The following PIP5K1B variants were observed in gnomAD, a reference collection of about 807,000 sequenced individuals.
The protein encoded by PIP5K1B is phosphatidylinositol 4-phosphate 5-kinase type-1 beta.
A neutral mutation model predicts 67.0 loss-of-function variants in PIP5K1B; 42 were observed. The ratio of observed to expected loss-of-function variants is 0.63; its 90% CI spans 0.49 to 0.81. The LOEUF (loss-of-function observed/expected upper bound fraction) is 0.81. Among genes scored for constraint, PIP5K1B ranks in the 30% least tolerant of loss-of-function variants. The probability of loss-of-function intolerance (pLI) is 0.00; values close to 1 mark genes in which losing one functional copy is unlikely to be tolerated. For synonymous variants in PIP5K1B, 214 were observed against 231.4 expected (o/e 0.92, Z 0.68); for missense variants, 459 against 646.3 (o/e 0.71, Z 3.14).
chr9:68,837,203 A>G (rs1249668992), intron 4 of PIP5K1B, among the ~76,000 whole-genome samples: 1 of 152,206 alleles, frequency 6.6e-6, no homozygotes, highest in Non-Finnish European at 1.5e-5. Context: ...GGGATACAGC[A>G]GTGAACACAA....
At chr9:68,856,542 C>G (rs1050287720) in intron 4 of PIP5K1B, among the ~76,000 whole-genome samples, 2 of 152,174 alleles carry the variant, frequency 1.3e-5, no homozygotes, top group African/African-American at 4.8e-5. Context: ...AATTATTTCA[C>G]GCTGTTCTTT....
chr9:68,804,842 AGTT>A (rs1832784389), intron 2 of PIP5K1B, among the ~76,000 whole-genome samples: 1 of 152,106 alleles, frequency 6.6e-6, no homozygotes, highest in African/African-American at 2.4e-5. Flanking sequence ...TGTTACTTGG[AGTT>A]GTTGGAAGAA....
intron 2 of PIP5K1B, among the ~76,000 whole-genome samples, chr9:68,775,995 T>C (rs7853795): frequency 0.41 from 62,835 of 151,966 alleles, 13,174 homozygotes; most frequent in African/African-American, 0.48. Context: ...CTTGGTTATA[T>C]TGTCAGGAGC....
chr9:68,912,050 C>A lies in PIP5K1B; in HGVS notation c.772-5498C>A, dbSNP rs75536626. Among the ~76,000 whole-genome samples, 1,010 of 152,220 alleles carry A rather than the reference C, an allele frequency of 6.6e-3. 8 individuals carry two copies. Among genetic ancestry groups the A allele is most frequent in the South Asian group, 0.031 (148 of 4,816 alleles). On this transcript the variant is annotated intron_variant, in intron 8 of 15. Coordinates refer to ENST00000265382, the MANE Select transcript of PIP5K1B (RefSeq NM_003558.4). ...AAGAAGATCTCAAATCTATCCACTTCTCCCTCGAGCTCCCCAGCTGCCCCT... is the reference window on the plus strand; with the variant it reads ...AAGAAGATCTCAAATCTATCCACTTATCCCTCGAGCTCCCCAGCTGCCCCT...
At position 68,985,698 on chromosome 9, in the gene PIP5K1B, T is replaced by A. The variant is rs189420870; in HGVS notation, c.1503-5442T>A. Reference sequence around the variant, plus strand: ...AGCATGTGCCCTGGGACATTGCAGATGGCTCCCCAGGCCTCCACGGGCCTG... The same window carrying A: ...AGCATGTGCCCTGGGACATTGCAGAAGGCTCCCCAGGCCTCCACGGGCCTG... On this transcript the variant is annotated intron_variant, in intron 14 of 15. Coordinates refer to ENST00000265382, the MANE Select transcript of PIP5K1B (RefSeq NM_003558.4). Among the ~76,000 whole-genome samples the A allele has an allele frequency of 1.7e-4, 26 of 152,344 alleles. No homozygotes were observed. In the East Asian group the frequency reaches 4.8e-3, roughly 28 times the overall value.
chr9:68,734,440 A>G (rs538245101), intron 1 of PIP5K1B, among the ~76,000 whole-genome samples: 56 of 152,322 alleles, frequency 3.7e-4, no homozygotes, highest in African/African-American at 1.3e-3. Context: ...ACTGGGAGGG[A>G]AGGACCATAA....
chr9:68,867,185 AT>A (rs35757034), intron 5 of PIP5K1B, among the ~76,000 whole-genome samples: 66,603 of 151,286 alleles, frequency 0.44, 15,084 homozygotes, highest in South Asian at 0.55. Context: ...CATTTGATGC[AT>A]TTTTTTTTTC....
At chr9:68,947,919 A>G (rs1190856966) in intron 14 of PIP5K1B, among the ~76,000 whole-genome samples, 1 of 152,136 alleles carries the variant, frequency 6.6e-6, no homozygotes, top group East Asian at 1.9e-4. Flanking sequence ...AGCTTGAGGA[A>G]CCCAAGTGAG....
chr9:68,928,417 G>A (rs1196853231), intron 12 of PIP5K1B, among the ~76,000 whole-genome samples: 5 of 152,090 alleles, frequency 3.3e-5, no homozygotes, highest in Non-Finnish European at 7.4e-5. Flanking sequence ...CATAAATGTG[G>A]GATTCTTTTT....
intron 4 of PIP5K1B, among the ~76,000 whole-genome samples, chr9:68,835,415 T>C (rs936584480): frequency 6.6e-6 from 1 of 152,198 alleles, no homozygotes; most frequent in Non-Finnish European, 1.5e-5. Flanking sequence ...AGAAATATTA[T>C]AGTATGGCTT....
intron 2 of PIP5K1B, among the ~76,000 whole-genome samples, chr9:68,743,929 T>TAAG (rs1209132083): frequency 6.6e-6 from 1 of 152,198 alleles, no homozygotes; most frequent in Non-Finnish European, 1.5e-5. Context: ...GGGTGACATC[T>TAAG]AAGAAGAAGA....
chr9:68,770,981 G>A (rs62552127), intron 2 of PIP5K1B, among the ~76,000 whole-genome samples: 16,521 of 152,176 alleles, frequency 0.11, 1,083 homozygotes, highest in Non-Finnish European at 0.16. Context: ...TCAGCATATC[G>A]ATCATAGTTA....
At chr9:68,894,252 A>G (rs1824964394) in intron 7 of PIP5K1B, 87 bp from the exon 8 acceptor site, 1 of 829,658 alleles carries the variant, frequency 1.2e-6, no homozygotes, top group Non-Finnish European at 1.9e-6. Context: ...TTTAATTATT[A>G]TATCAGCATG....
intron 8 of PIP5K1B, among the ~76,000 whole-genome samples, chr9:68,910,536 A>G (rs1825802115): frequency 6.6e-6 from 1 of 152,246 alleles, no homozygotes; most frequent in Admixed American, 6.5e-5. Flanking sequence ...GGAAAGCAGT[A>G]TAACAAATAT....
At chr9:68,741,618 A>G (rs1040084167) in intron 1 of PIP5K1B, 12 of 152,352 alleles carry the variant, frequency 7.9e-5, no homozygotes, top group South Asian at 4.1e-4. Flanking sequence ...AATGACCTCT[A>G]CAAATAGTTT....
intron 5 of PIP5K1B, among the ~76,000 whole-genome samples, chr9:68,876,203 G>A (rs181242809): frequency 6.6e-6 from 1 of 152,206 alleles, no homozygotes; most frequent in East Asian, 1.9e-4. Flanking sequence ...TCAGATTGGG[G>A]TCCTATTCCA....
chr9:68,783,326 G>A (rs1362505988), intron 2 of PIP5K1B: 4 of 166,700 alleles, frequency 2.4e-5, no homozygotes, highest in Non-Finnish European at 5.9e-5. Context: ...CTTTAAATAT[G>A]TCATGTACTT....
intron 6 of PIP5K1B, among the ~76,000 whole-genome samples, chr9:68,881,716 G>T (rs940144887): frequency 6.6e-6 from 1 of 152,198 alleles, no homozygotes; most frequent in African/African-American, 2.4e-5. Flanking sequence ...TGGTGAAGGG[G>T]CTTCTGTACA....
intron 7 of PIP5K1B, among the ~76,000 whole-genome samples, chr9:68,889,734 CAAAAAAA>C (rs11349016): frequency 1.3e-5 from 1 of 79,756 alleles, no homozygotes; most frequent in South Asian, 4.3e-4. Flanking sequence ...GACTCCTTCT[CAAAAAAA>C]AAAAAAAAAA....
Sources: gnomAD v4.1 joint callset for allele counts (sites outside exome capture counted in the v4.1 genomes callset) on GRCh38, gnomAD v4.1.1 for gene constraint, MANE v1.5 for transcripts, NCBI Gene and HGNC (gene_info 2026-07-23, HGNC 2026-07-21) for gene names.